The following RPS15 variants were observed in gnomAD, a reference collection of about 807,000 sequenced individuals.
The protein encoded by RPS15 is ribosomal protein S15.
RPS15 carries 5 observed loss-of-function variants against 14.9 expected under a neutral mutation model. The observed-to-expected ratio is 0.34, with a 90% CI of 0.18 to 0.70. The LOEUF is 0.70. Ranked by LOEUF, RPS15 falls within the 30% of genes least tolerant of loss-of-function variation. RPS15 has a pLI of 0.65. For missense variants in RPS15, 102 were observed against 204.2 expected, an observed-to-expected ratio of 0.50 and a Z score of 3.05; for synonymous variants, 103 against 85.0, an observed-to-expected ratio of 1.21 and a Z score of -1.16.
intron 2 of RPS15, 183 bp from the exon 3 acceptor site, chr19:1,439,836 G>A: frequency 3.1e-6 from 2 of 648,230 alleles, no homozygotes; most frequent in Non-Finnish European, 5.6e-6. Context: ...GGTGAGTCGC[G>A]CATATCTGGC....
At chr19:1,439,596 T>G in intron 2 of RPS15, 1 of 422,086 alleles carries the variant, frequency 2.4e-6, no homozygotes, top group Non-Finnish European at 4.3e-6. Flanking sequence ...CGTTTCTCTG[T>G]GTCGTCCAGG....
In RPS15 at chr19:1,440,080, C is replaced by T. The variant is rs1354960219; in HGVS notation, c.151C>T (p.Arg51Trp). The T allele has an allele frequency of 1.3e-6, 2 of 1,573,204 alleles. No individual in the cohort carries two copies. Among genetic ancestry groups the T allele is most frequent in the African/African-American group, 2.7e-5 (2 of 74,538 alleles). Residue 51 changes from arginine to tryptophan, a missense_variant, in exon 3 of 4, where the codon CGG becomes TGG. By Grantham distance (101) the Arg-to-Trp change is moderately radical. Coordinates refer to ENST00000592588, the MANE Select transcript of RPS15 (RefSeq NM_001018.5). ...QRRRLNRGLR[R>W]KQHSLLKRLR... ...GCGGCGGCTGAACCGGGGCCTGCGG[C>T]GGAAGCAGCACTCCCTGCTGAAGCG... is the stretch of plus-strand genomic sequence containing the variant.
rs1248059892 is a variant in RPS15, at chr19:1,438,685, G to A, written c.4-122G>A. On this transcript the variant is annotated intron_variant, in intron 1 of 3. Coordinates refer to ENST00000592588, the MANE Select transcript of RPS15 (RefSeq NM_001018.5). This position sits in a 1 kb window ranked among gnomAD's most constrained non-coding sequence, Gnocchi z 4.8. ...TGATCCCCGGGGACGGGTCGAAGCG[G>A]TGTGTCCCTGTCGGGCTTCTGTCCC... The A allele has an allele frequency of 5.9e-6, 9 of 1,533,588 alleles. No homozygotes were observed. The highest frequency in any genetic ancestry group is 7.9e-6 in the Non-Finnish European group (9 of 1,133,806). 95.0% of individuals were successfully genotyped at this position (1,533,588 alleles called of 1,614,324 possible).
chr19:1,439,171 G>T, intron 2 of RPS15: 1 of 441,804 alleles, frequency 2.3e-6, no homozygotes. Context: ...ATAAGGGGCT[G>T]CGTTAGACTC....
rs1044170343 is a variant in RPS15 at position 1,438,779 on chromosome 19, C to G, written c.4-28C>G. The G allele has an allele frequency of 6.4e-7, 1 of 1,573,918 alleles. No individual in the cohort carries two copies. Among genetic ancestry groups the G allele is most frequent in the Non-Finnish European group, 8.6e-7 (1 of 1,160,094 alleles). On this transcript the variant is annotated intron_variant, in intron 1 of 3. Transcript: ENST00000592588. This position sits in a 1 kb window ranked among gnomAD's most constrained non-coding sequence, Gnocchi z 4.8. ...CCCCGGGAGATGGGTGTCGGGATCCCGCTGACGCCCGATCCGCGCCCGCAC... is the reference window on the plus strand; with the variant it reads ...CCCCGGGAGATGGGTGTCGGGATCCGGCTGACGCCCGATCCGCGCCCGCAC...
intron 2 of RPS15, 150 bp from the exon 3 acceptor site, chr19:1,439,869 G>A: frequency 1.4e-6 from 1 of 713,678 alleles, no homozygotes; most frequent in Non-Finnish European, 2.5e-6. Context: ...GGGACTTGGC[G>A]TGTTCATTGT....
chr19:1,438,757 C>G lies in RPS15; in HGVS notation c.4-50C>G. ...GCGGTGTCCTCGGGCCCGGTGGCCCCGGGAGATGGGTGTCGGGATCCCGCT... is the reference window on the plus strand; with the variant it reads ...GCGGTGTCCTCGGGCCCGGTGGCCCGGGGAGATGGGTGTCGGGATCCCGCT... On this transcript the variant is annotated intron_variant, in intron 1 of 3. Transcript: ENST00000592588. This position sits in a 1 kb window ranked among gnomAD's most constrained non-coding sequence, Gnocchi z 4.8. The G allele has an allele frequency of 6.4e-7, 1 of 1,555,540 alleles. No individual in the cohort carries two copies.
chr19:1,440,019 C>T lies in RPS15; in HGVS notation c.90C>T (p.Tyr30=), dbSNP rs765870837. The T allele has an allele frequency of 5.3e-6, 8 of 1,510,164 alleles. No individual in the cohort carries two copies. In the African/African-American group the frequency reaches 9.6e-5, roughly 18 times the overall value. 93.5% of individuals were successfully genotyped at this position (1,510,164 alleles called of 1,614,324 possible). Residue 30 remains tyrosine (Y), a splice_region_variant and synonymous_variant, in exon 3 of 4, where the codon TAC becomes TAT. Coordinates refer to ENST00000592588, the MANE Select transcript of RPS15 (RefSeq NM_001018.5). Reference sequence around the variant, plus strand: ...AAACTGCCTGGTGCATCCTCCCCAGCGAGCAGCTGATGCAGCTGTACAGTG... The same window carrying T: ...AAACTGCCTGGTGCATCCTCCCCAGTGAGCAGCTGATGCAGCTGTACAGTG... ...VDLDQLLDMS[Y]EQLMQLYSAR...
Position 1,438,437 on chromosome 19 carries a change from T to C in RPS15, c.3+9T>C. ...GAGGATCCGGCAAGATGGTGAGTGTTGCGATTTGGCGCGTCTCTGCCGGGC... is the reference window on the plus strand; with the variant it reads ...GAGGATCCGGCAAGATGGTGAGTGTCGCGATTTGGCGCGTCTCTGCCGGGC... On this transcript the variant is annotated intron_variant, in intron 1 of 3. Coordinates refer to ENST00000592588, the MANE Select transcript of RPS15 (RefSeq NM_001018.5). This position sits in a 1 kb window ranked among gnomAD's most constrained non-coding sequence, Gnocchi z 4.8. 6.2e-7 allele frequency: 1 copy of C among 1,613,402 alleles called. No individual in the cohort carries two copies. The highest frequency in any genetic ancestry group is 8.5e-7 in the Non-Finnish European group (1 of 1,179,888).
rs2066511253 is a variant in RPS15, at chr19:1,438,753, GC to G, written c.4-50del. 3 of 1,548,568 alleles carry G rather than the reference GC, an allele frequency of 1.9e-6. No individual in the cohort carries two copies. In the African/African-American group the frequency reaches 4.1e-5, roughly 21 times the overall value. On this transcript the variant is annotated intron_variant, in intron 1 of 3. Transcript: ENST00000592588. This position sits in a 1 kb window ranked among gnomAD's most constrained non-coding sequence, Gnocchi z 4.8. ...TTCCGCGGTGTCCTCGGGCCCGGTG[GC>G]CCCGGGAGATGGGTGTCGGGATCCC...
chr19:1,439,042 C>A, intron 2 of RPS15, 150 bp downstream of exon 2: 1 of 645,404 alleles, frequency 1.5e-6, no homozygotes, highest in Non-Finnish European at 2.6e-6. Context: ...GGTCTTGCGC[C>A]CAGAAAACTG....
In RPS15 at chr19:1,438,638, C is replaced by T. The variant is rs1363323960; in HGVS notation, c.4-169C>T. Reference sequence around the variant, plus strand: ...CCTGTCCGGGCCTTCATGTCCGGGTCCTCGTAACCCGGAGCCGCGAGTGAT... The same window carrying T: ...CCTGTCCGGGCCTTCATGTCCGGGTTCTCGTAACCCGGAGCCGCGAGTGAT... On this transcript the variant is annotated intron_variant, in intron 1 of 3. Transcript: ENST00000592588. This position sits in a 1 kb window ranked among gnomAD's most constrained non-coding sequence, Gnocchi z 4.8. 1.2e-5 allele frequency: 19 copies of T among 1,529,392 alleles called. No individual in the cohort carries two copies. The highest frequency in any genetic ancestry group is 1.5e-5 in the Non-Finnish European group (17 of 1,133,078). 94.7% of individuals were successfully genotyped at this position (1,529,392 alleles called of 1,614,324 possible). A position where few individuals can be genotyped will look rare whatever the true frequency, so the allele number is the denominator to read the frequency against.
chr19:1,440,223 C>T lies in RPS15; in HGVS notation c.294C>T (p.Asn98=). Residue 98 remains asparagine, a synonymous_variant, in exon 3 of 4, where the codon AAC becomes AAT. Transcript: ENST00000592588. ...TGGGCAGCATGGTGGGCGTCTACAA[C>T]GGCAAGACCTTCAACCAGGTGGAGA... ...EMVGSMVGVY[N]GKTFNQVEIK... The T allele has an allele frequency of 3.7e-6, 6 of 1,612,978 alleles. No homozygotes were observed. Among genetic ancestry groups the T allele is most frequent in the East Asian group, 2.2e-5 (1 of 44,866 alleles).
At position 1,440,190 on chromosome 19, in the gene RPS15, C is replaced by T. The variant is rs748516532; in HGVS notation, c.261C>T (p.Pro87=). Reference sequence around the variant, plus strand: ...ACCTGCGGGACATGATCATCCTACCCGAGATGGTGGGCAGCATGGTGGGCG... The same window carrying T: ...ACCTGCGGGACATGATCATCCTACCTGAGATGGTGGGCAGCATGGTGGGCG... ...KTHLRDMIIL[P]EMVGSMVGVY... The change falls in exon 3 of 4, where the codon CCC becomes CCT. Residue 87 remains proline (P), a synonymous_variant. Coordinates refer to ENST00000592588, the MANE Select transcript of RPS15 (RefSeq NM_001018.5). 2.5e-6 allele frequency: 4 copies of T among 1,613,090 alleles called. No homozygotes were observed. In the Admixed American group the frequency reaches 5.0e-5, roughly 20 times the overall value.
intron 2 of RPS15, chr19:1,439,609 G>C (rs1179478776): frequency 4.3e-6 from 2 of 465,808 alleles, no homozygotes; most frequent in Non-Finnish European, 7.7e-6. Context: ...CGTCCAGGTT[G>C]GTCTTGAACT....
chr19:1,440,079 G>A lies in RPS15; in HGVS notation c.150G>A (p.Arg50=), dbSNP rs930350255. The A allele has an allele frequency of 4.0e-5, 63 of 1,572,188 alleles. No homozygotes were observed. Among genetic ancestry groups the A allele is most frequent in the Non-Finnish European group, 5.1e-5 (59 of 1,160,352 alleles). The change falls in exon 3 of 4, where the codon CGG becomes CGA. Residue 50 remains arginine (R), a synonymous_variant. Coordinates refer to ENST00000592588, the MANE Select transcript of RPS15 (RefSeq NM_001018.5). The part of the protein sequence containing the change: ...RQRRRLNRGL[R]RKQHSLLKRL... The stretch of plus-strand genomic sequence containing the variant: ...GGCGGCGGCTGAACCGGGGCCTGCG[G>A]CGGAAGCAGCACTCCCTGCTGAAGC...
In RPS15 at chr19:1,438,473, C is replaced by T; in HGVS notation, c.3+45C>T. On this transcript the variant is annotated intron_variant, in intron 1 of 3. Transcript: ENST00000592588. This position sits in a 1 kb window ranked among gnomAD's most constrained non-coding sequence, Gnocchi z 4.8. The stretch of plus-strand genomic sequence containing the variant: ...GCGTCTCTGCCGGGCCTATCCGGCT[C>T]CATCCAACCTCTGACCGTCTCGCGG... The T allele has an allele frequency of 6.2e-7, 1 of 1,613,180 alleles. No individual in the cohort carries two copies. The highest frequency in any genetic ancestry group is 2.2e-5 in the East Asian group (1 of 44,850).
At chr19:1,439,618 C>T (rs140976665) in intron 2 of RPS15, 1 of 490,902 alleles carries the variant, frequency 2.0e-6, no homozygotes, top group African/African-American at 1.9e-5. Context: ...TGGTCTTGAA[C>T]TCCTGGGCTC....
intron 2 of RPS15, chr19:1,439,137 T>A (rs1167218917): frequency 1.9e-6 from 1 of 514,244 alleles, no homozygotes; most frequent in Non-Finnish European, 3.4e-6. Flanking sequence ...GTGTAGCCCC[T>A]GTCTGTAGCC....
Sources: allele counts gnomAD v4.1 joint callset, GRCh38; gene constraint gnomAD v4.1.1; non-coding constraint Gnocchi (gnomAD v3.1); transcripts MANE v1.5; gene names NCBI Gene and HGNC (gene_info 2026-07-23, HGNC 2026-07-21).